The following ABCB1 variants were observed in gnomAD, a reference collection of about 807,000 sequenced individuals.
ABCB1 encodes the protein ATP-dependent translocase ABCB1.
Under a neutral mutation model 142.0 loss-of-function variants are expected in ABCB1, and 69 were observed. That is an observed-to-expected ratio of 0.49 (90% CI 0.40 to 0.59). The LOEUF (loss-of-function observed/expected upper bound fraction) is 0.59, where lower values mean the gene tolerates loss of function less well. Ranked by LOEUF, ABCB1 falls within the 20% of genes least tolerant of loss-of-function variation. ABCB1 has a pLI of 0.00. For missense variants in ABCB1, 1,326 were observed against 1,554.7 expected, an observed-to-expected ratio of 0.85 and a Z score of 2.47; for synonymous variants, 532 against 539.2, an observed-to-expected ratio of 0.99 and a Z score of 0.18.
chr7:87,702,305 G>A (rs1471823855), intron 1 of ABCB1, among the ~76,000 whole-genome samples: 1 of 151,414 alleles, frequency 6.6e-6, no homozygotes, highest in Non-Finnish European at 1.5e-5. Flanking sequence ...TAGGGACAGG[G>A]TCTTGCTCTG....
intron 1 of ABCB1, among the ~76,000 whole-genome samples, chr7:87,618,745 G>A (rs1287551319): frequency 6.6e-6 from 1 of 152,176 alleles, no homozygotes; most frequent in Admixed American, 6.5e-5. Flanking sequence ...ATCTAGGTAG[G>A]CGAAATCTAA....
chr7:87,650,697 T>C, intron 1 of ABCB1: 1 of 642,596 alleles, frequency 1.6e-6, no homozygotes, highest in Non-Finnish European at 2.8e-6. Flanking sequence ...AATGGGGTTT[T>C]TCAGATGTTA....
At chr7:87,527,658 T>C (rs1230911244) in intron 21 of ABCB1, among the ~76,000 whole-genome samples, 1 of 152,198 alleles carries the variant, frequency 6.6e-6, no homozygotes, top group Non-Finnish European at 1.5e-5. Flanking sequence ...ATTTTTAAAA[T>C]ACGCAAGAAT....
chr7:87,585,486 A>G (rs200133615), intron 4 of ABCB1, 26 bp downstream of exon 4: 3 of 1,611,666 alleles, frequency 1.9e-6, no homozygotes, highest in Admixed American at 1.7e-5. Flanking sequence ...AGTTTCCAAT[A>G]AAATTGGTAC....
At position 87,535,938 on chromosome 7, in the gene ABCB1, T is replaced by G. The variant is rs551559678; in HGVS notation, c.2481+520A>C. Reference sequence around the variant, plus strand: ...AATAGTATCTAGTTATATCAAGAGATTCATACAGTAGCAAAATTTAAGTTA... The same window carrying G: ...AATAGTATCTAGTTATATCAAGAGAGTCATACAGTAGCAAAATTTAAGTTA... On this transcript the variant is annotated intron_variant, in intron 20 of 27. Transcript: ENST00000622132. Among the ~76,000 whole-genome samples, 24 of 152,278 alleles carry G rather than the reference T, an allele frequency of 1.6e-4. No individual in the cohort carries two copies. The South Asian group carries it at 5.0e-3, about 32-fold the overall frequency.
At chr7:87,641,899 A>G (rs1326714979) in intron 1 of ABCB1, among the ~76,000 whole-genome samples, 1 of 152,176 alleles carries the variant, frequency 6.6e-6, no homozygotes, top group African/African-American at 2.4e-5. Flanking sequence ...GTATTTACAG[A>G]ACCAAATCTT....
At chr7:87,563,395 A>G (rs1168394989) in intron 7 of ABCB1, 1 of 455,180 alleles carries the variant, frequency 2.2e-6, no homozygotes, top group Non-Finnish European at 4.4e-6. Flanking sequence ...TGATGAACAA[A>G]TATGATACAA....
intron 1 of ABCB1, among the ~76,000 whole-genome samples, chr7:87,661,549 T>C (rs28803638): frequency 0.1 from 15,939 of 151,838 alleles, 1,058 homozygotes; most frequent in African/African-American, 0.19. Flanking sequence ...TCTTTTGTCA[T>C]TTAACATAAT....
At chr7:87,550,140 C>T (rs560796898) in intron 12 of ABCB1, 31 bp downstream of exon 12, 6 of 1,614,122 alleles carry the variant, frequency 3.7e-6, no homozygotes, top group East Asian at 2.2e-5. Context: ...TGCTGATCAC[C>T]GCAGGGTCTA....
At chr7:87,541,679 A>AT (rs758671714) in intron 17 of ABCB1, among the ~76,000 whole-genome samples, 3 of 152,022 alleles carry the variant, frequency 2.0e-5, no homozygotes, top group African/African-American at 7.3e-5. Flanking sequence ...TTGATCCAGT[A>AT]TTTTTTCTGT....
At chr7:87,535,036 G>T (rs954549788) in intron 20 of ABCB1, among the ~76,000 whole-genome samples, 6 of 146,558 alleles carry the variant, frequency 4.1e-5, no homozygotes, top group Non-Finnish European at 5.9e-5. Flanking sequence ...CCAACACATT[G>T]TTGGCTGTAC....
At chr7:87,536,774 G>A (rs529153991) in intron 19 of ABCB1, among the ~76,000 whole-genome samples, 21 of 152,194 alleles carry the variant, frequency 1.4e-4, no homozygotes, top group Admixed American at 5.2e-4. Flanking sequence ...ATTTCTAAGT[G>A]TTGGACCTGT....
chr7:87,696,365 A>G (rs1293373337), intron 1 of ABCB1, among the ~76,000 whole-genome samples: 2 of 152,040 alleles, frequency 1.3e-5, no homozygotes, highest in Non-Finnish European at 2.9e-5. Flanking sequence ...TTGTTTTTAA[A>G]TTTTCCTGTT....
intron 1 of ABCB1, among the ~76,000 whole-genome samples, chr7:87,655,032 A>T (rs1391310826): frequency 6.6e-6 from 1 of 152,124 alleles, no homozygotes; most frequent in Non-Finnish European, 1.5e-5. Flanking sequence ...GCCGAAGGAT[A>T]ACAAGTGCTG....
chr7:87,531,997 C>T (rs1385460194), intron 20 of ABCB1, among the ~76,000 whole-genome samples: 2 of 152,112 alleles, frequency 1.3e-5, no homozygotes, highest in Non-Finnish European at 1.5e-5. Context: ...AGTAAGCGCG[C>T]ATTATTATCT....
intron 1 of ABCB1, among the ~76,000 whole-genome samples, chr7:87,687,355 C>G (rs191245660): frequency 1.1e-3 from 172 of 152,218 alleles, no homozygotes; most frequent in Non-Finnish European, 2.1e-3. Flanking sequence ...GAAAACTACT[C>G]CATGAGGTTT....
intron 21 of ABCB1, 40 bp downstream of exon 21, chr7:87,531,254 T>C (rs1363739101): frequency 6.5e-7 from 1 of 1,528,928 alleles, no homozygotes; most frequent in Non-Finnish European, 9.1e-7. Context: ...TAGAATACTT[T>C]ACTCTACTTA....
At chr7:87,624,023 C>T (rs1388041247) in intron 1 of ABCB1, among the ~76,000 whole-genome samples, 1 of 152,132 alleles carries the variant, frequency 6.6e-6, no homozygotes, top group Non-Finnish European at 1.5e-5. Context: ...GCTTATTGAT[C>T]TGCAGGAGTA....
chr7:87,577,508 C>T (rs558510748), intron 4 of ABCB1, among the ~76,000 whole-genome samples: 4 of 152,272 alleles, frequency 2.6e-5, no homozygotes, highest in South Asian at 4.1e-4. Flanking sequence ...CATGGTTGTA[C>T]TAATTTACAT....
Sources: allele counts gnomAD v4.1 joint callset (sites outside exome capture counted in the v4.1 genomes callset), GRCh38; gene constraint gnomAD v4.1.1; transcripts MANE v1.5; gene names NCBI Gene and HGNC (gene_info 2026-07-23, HGNC 2026-07-21).